The following NEK11 variants were observed in gnomAD, a reference collection of about 807,000 sequenced individuals.
NEK11 encodes the protein serine/threonine-protein kinase Nek11.
NEK11 carries 72 observed loss-of-function variants against 80.7 expected under a neutral mutation model. The ratio of observed to expected loss-of-function variants is 0.89; its 90% CI spans 0.74 to 1.08. The LOEUF is 1.08. Among genes scored for constraint, NEK11 ranks in the 50% least tolerant of loss-of-function variants. The probability of loss-of-function intolerance (pLI) is 0.00; values close to 1 mark genes in which losing one functional copy is unlikely to be tolerated. For synonymous variants in NEK11, 251 were observed against 260.7 expected (o/e 0.96, Z 0.36); for missense variants, 764 against 763.6 (o/e 1.00, Z -0.01).
At chr3:131,126,192 C>T (rs1413253877) in intron 5 of NEK11, among the ~76,000 whole-genome samples, 3 of 152,146 alleles carry the variant, frequency 2.0e-5, no homozygotes, top group Non-Finnish European at 2.9e-5. Flanking sequence ...ATGTACCCCA[C>T]AAATTATTAA....
intron 5 of NEK11, among the ~76,000 whole-genome samples, chr3:131,117,558 C>T (rs143869563): frequency 6.6e-6 from 1 of 152,216 alleles, no homozygotes; most frequent in East Asian, 1.9e-4. Flanking sequence ...CTATAAATTA[C>T]CTTGGGCAGT....
intron 7 of NEK11, among the ~76,000 whole-genome samples, chr3:131,139,945 T>C (rs535162656): frequency 4.7e-4 from 72 of 152,270 alleles, no homozygotes; most frequent in African/African-American, 1.7e-3. Context: ...GGGTTTCTGA[T>C]GAAGGAGACC....
chr3:131,187,311 T>C (rs975873831), intron 14 of NEK11, among the ~76,000 whole-genome samples: 23 of 152,192 alleles, frequency 1.5e-4, no homozygotes, highest in African/African-American at 5.5e-4. Flanking sequence ...GAAAGTCTTA[T>C]TGGGCAGCAC....
At chr3:131,258,601 C>CA (rs1225118766) in intron 16 of NEK11, among the ~76,000 whole-genome samples, 2 of 152,088 alleles carry the variant, frequency 1.3e-5, no homozygotes, top group Non-Finnish European at 2.9e-5. Flanking sequence ...AATGTCAATC[C>CA]AAAAAACAGA....
At chr3:131,203,703 T>C (rs940356639) in intron 14 of NEK11, among the ~76,000 whole-genome samples, 9 of 145,440 alleles carry the variant, frequency 6.2e-5, no homozygotes, top group Admixed American at 2.8e-4. Context: ...TATATGTATA[T>C]ATGTATATAT....
chr3:131,029,980 C>T (rs2064543967), intron 3 of NEK11, 102 bp downstream of exon 3: 1 of 1,108,262 alleles, frequency 9.0e-7, no homozygotes, highest in African/African-American at 1.5e-5. Flanking sequence ...TGGCTCATGC[C>T]TGTAATCCCA....
chr3:131,206,865 G>T (rs1219600307), intron 14 of NEK11, among the ~76,000 whole-genome samples: 1 of 152,040 alleles, frequency 6.6e-6, no homozygotes, highest in Non-Finnish European at 1.5e-5. Flanking sequence ...CCCACCCTGT[G>T]TCTAAGTGTT....
At chr3:131,330,196 A>G (rs1024587027) in intron 17 of NEK11, 1 of 152,244 alleles carries the variant, frequency 6.6e-6, no homozygotes, top group African/African-American at 2.4e-5. Context: ...ATCAAAGATA[A>G]CTCAGGTTTT....
chr3:131,085,593 CG>C (rs1211007173), intron 4 of NEK11, among the ~76,000 whole-genome samples: 2 of 151,850 alleles, frequency 1.3e-5, no homozygotes, highest in African/African-American at 4.8e-5. Context: ...GTTCGCAGTA[CG>C]GGAAAGATTA....
intron 16 of NEK11, among the ~76,000 whole-genome samples, chr3:131,271,739 G>A (rs2096190524): frequency 1.4e-5 from 2 of 147,656 alleles, no homozygotes; most frequent in East Asian, 2.0e-4. Context: ...AGGATGCAGT[G>A]AGCCGAGATC....
chr3:131,132,290 T>G (rs1243612846), intron 5 of NEK11, among the ~76,000 whole-genome samples: 1 of 152,030 alleles, frequency 6.6e-6, no homozygotes, highest in Non-Finnish European at 1.5e-5. Flanking sequence ...CTGACATAAT[T>G]TACATTACTG....
At chr3:131,162,564 C>A (rs2149952124) in intron 11 of NEK11, 37 bp downstream of exon 11, 1 of 1,611,798 alleles carries the variant, frequency 6.2e-7, no homozygotes, top group South Asian at 1.1e-5. Flanking sequence ...ATGCTCGGGA[C>A]TACTTCTCAG....
chr3:131,139,150 T>C (rs1162175755), intron 7 of NEK11, among the ~76,000 whole-genome samples: 1 of 151,914 alleles, frequency 6.6e-6, no homozygotes, highest in Non-Finnish European at 1.5e-5. Flanking sequence ...GAGAAGGAAT[T>C]CAGATTTATA....
intron 14 of NEK11, among the ~76,000 whole-genome samples, chr3:131,205,993 C>T (rs1387027055): frequency 6.6e-6 from 1 of 152,170 alleles, no homozygotes; most frequent in Non-Finnish European, 1.5e-5. Context: ...ACCATGGAAT[C>T]ACTGCGTATA....
At chr3:131,057,406 A>G (rs1577564226) in intron 3 of NEK11, among the ~76,000 whole-genome samples, 1 of 152,032 alleles carries the variant, frequency 6.6e-6, no homozygotes, top group East Asian at 1.9e-4. Flanking sequence ...TATACCCAGT[A>G]ATGGGATGGC....
intron 4 of NEK11, among the ~76,000 whole-genome samples, chr3:131,107,253 C>CAAAAATCCA (rs2079327998): frequency 6.6e-6 from 1 of 151,776 alleles, no homozygotes. Flanking sequence ...GGTTCTGGGA[C>CAAAAATCCA]CATAATTTTT....
intron 17 of NEK11, chr3:131,326,242 T>TTCA (rs1311231569): frequency 2.6e-5 from 4 of 152,212 alleles, no homozygotes; most frequent in Non-Finnish European, 5.9e-5. Flanking sequence ...CTCCTTGCTA[T>TTCA]TCATCCATTT....
At chr3:131,207,972 C>G (rs533110106) in intron 14 of NEK11, among the ~76,000 whole-genome samples, 1 of 152,064 alleles carries the variant, frequency 6.6e-6, no homozygotes, top group Non-Finnish European at 1.5e-5. Flanking sequence ...TAGTTTAATT[C>G]GATCCCATTT....
chr3:131,268,480 A>T (rs914650384), intron 16 of NEK11, among the ~76,000 whole-genome samples: 39 of 152,168 alleles, frequency 2.6e-4, no homozygotes, highest in African/African-American at 8.7e-4. Context: ...GTTGATGTTG[A>T]TGCTATTCCT....
Sources: gnomAD v4.1 joint callset for allele counts (sites outside exome capture counted in the v4.1 genomes callset) on GRCh38, gnomAD v4.1.1 for gene constraint, MANE v1.5 for transcripts, NCBI Gene and HGNC (gene_info 2026-07-23, HGNC 2026-07-21) for gene names.